Variants in MTOR observed in about 807,000 individuals in gnomAD.
MTOR encodes the protein serine/threonine-protein kinase mTOR.
In MTOR, 70 loss-of-function variants were observed where a neutral mutation model predicts 319.8. The observed-to-expected ratio is 0.22, with a 90% CI of 0.18 to 0.27. The LOEUF is 0.27. MTOR is among the 10% of genes least tolerant of loss of function. MTOR has a pLI of 1.00. For missense variants in MTOR, 1,890 were observed against 3,274.4 expected (o/e 0.58, Z 10.32); for synonymous variants, 1,183 against 1,211.4 (o/e 0.98, Z 0.49).
chr1:11,161,639 T>G (rs1466329999), intron 29 of MTOR, among the ~76,000 whole-genome samples: 1 of 152,156 alleles, frequency 6.6e-6, no homozygotes. Flanking sequence ...TATTCGCTGT[T>G]CTGCAGCCTC....
chr1:11,186,052 C>T (rs1313954320), intron 28 of MTOR, among the ~76,000 whole-genome samples: 1 of 135,380 alleles, frequency 7.4e-6, no homozygotes. Context: ...CACTGCACTC[C>T]AGCCTGGACG....
intron 29 of MTOR, among the ~76,000 whole-genome samples, chr1:11,165,488 T>C (rs915370045): frequency 6.6e-6 from 1 of 151,956 alleles, no homozygotes; most frequent in African/African-American, 2.4e-5. Flanking sequence ...TGAACTCCCA[T>C]TCACAATTGC....
chr1:11,125,253 T>A (rs994989972), intron 46 of MTOR, among the ~76,000 whole-genome samples: 3 of 152,140 alleles, frequency 2.0e-5, no homozygotes, highest in African/African-American at 7.2e-5. Context: ...TCTCTTAGCT[T>A]TGCTTACACC....
intron 18 of MTOR, 110 bp downstream of exon 18, chr1:11,230,815 C>A: frequency 1.4e-6 from 2 of 1,464,806 alleles, no homozygotes; most frequent in Non-Finnish European, 1.9e-6. Flanking sequence ...GCTACACGAG[C>A]CAATATCCTA....
intron 8 of MTOR, 142 bp downstream of exon 8, chr1:11,247,483 T>G (rs1343061431): frequency 1.3e-5 from 9 of 701,864 alleles, no homozygotes; most frequent in Non-Finnish European, 2.2e-5. Context: ...CTGAACTAAA[T>G]AGCATTGAAA....
intron 18 of MTOR, among the ~76,000 whole-genome samples, chr1:11,230,325 CAGA>C (rs1646975781): frequency 6.6e-6 from 1 of 152,106 alleles, no homozygotes; most frequent in Admixed American, 6.6e-5. Flanking sequence ...GAGGCTGAGA[CAGA>C]AGAATTGCTT....
At chr1:11,233,068 G>C in intron 15 of MTOR, 3 of 1,063,406 alleles carry the variant, frequency 2.8e-6, no homozygotes, top group Non-Finnish European at 4.3e-6. Context: ...AATAAAACCA[G>C]GTACAACTCC....
At chr1:11,162,855 G>C (rs1571035551) in intron 29 of MTOR, among the ~76,000 whole-genome samples, 1 of 152,188 alleles carries the variant, frequency 6.6e-6, no homozygotes, top group African/African-American at 2.4e-5. Context: ...GACCATCAAT[G>C]CTAGGAAGAA....
At chr1:11,111,217 G>A in intron 54 of MTOR, 1 of 453,212 alleles carries the variant, frequency 2.2e-6, no homozygotes, top group South Asian at 1.6e-5. Context: ...GGTGGCTCAT[G>A]CCTGTAATCC....
intron 11 of MTOR, 149 bp from the exon 12 acceptor site, chr1:11,238,766 C>CTT (rs35144517): frequency 0.067 from 31,835 of 471,672 alleles, 2 homozygotes; most frequent in East Asian, 0.1. Flanking sequence ...CGGAACTCTT[C>CTT]TTTTTTTTTT....
chr1:11,163,549 C>A (rs1373458343), intron 29 of MTOR, among the ~76,000 whole-genome samples: 1 of 152,134 alleles, frequency 6.6e-6, no homozygotes, highest in African/African-American at 2.4e-5. Flanking sequence ...CACTCCTCAG[C>A]AAATGTAAAA....
At chr1:11,233,322 T>A in intron 15 of MTOR, 76 bp downstream of exon 15, 7 of 1,310,602 alleles carry the variant, frequency 5.3e-6, no homozygotes, top group Non-Finnish European at 1.1e-6. Flanking sequence ...AAAAAAAAAA[T>A]AGTATTTTGA....
At chr1:11,206,636 C>T (rs191304652) in intron 25 of MTOR, among the ~76,000 whole-genome samples, 5 of 152,328 alleles carry the variant, frequency 3.3e-5, no homozygotes, top group Non-Finnish European at 1.5e-5. Flanking sequence ...AAAATCATAG[C>T]TTAATTTATT....
Position 11,163,537 on chromosome 1 carries a change from A to G in MTOR, c.4329+3905T>C, listed in dbSNP as rs537255617. On this transcript the variant is annotated intron_variant, in intron 29 of 57. Coordinates refer to ENST00000361445, the MANE Select transcript of MTOR (RefSeq NM_004958.4). ...AAATTGACCACATAGTTGGAAGTAA[A>G]GCACTCCTCAGCAAATGTAAAAGAA... Among the ~76,000 whole-genome samples, 28 of 152,234 alleles carry G rather than the reference A, an allele frequency of 1.8e-4. No individual in the cohort carries two copies. The South Asian group carries it at 5.6e-3, about 30-fold the overall frequency.
intron 28 of MTOR, among the ~76,000 whole-genome samples, chr1:11,168,523 C>T (rs917399326): frequency 6.6e-6 from 1 of 152,210 alleles, no homozygotes; most frequent in Non-Finnish European, 1.5e-5. Context: ...TCTGACAGAG[C>T]CCACCCCCTT....
At chr1:11,159,195 G>T (rs753691658) in intron 29 of MTOR, among the ~76,000 whole-genome samples, 15 of 152,152 alleles carry the variant, frequency 9.9e-5, no homozygotes, top group Non-Finnish European at 2.1e-4. Context: ...GATATCAAAG[G>T]AGAGAACATC....
rs1331697718 is a variant in MTOR at position 11,249,604 on chromosome 1, G to C, written c.841-1510C>G. Among the ~76,000 whole-genome samples the C allele has an allele frequency of 1.9e-3, 265 of 139,198 alleles. 6 individuals are homozygous for C. The Admixed American group carries it at 0.02, about 10-fold the overall frequency. 91.3% of individuals were successfully genotyped at this position (139,198 alleles called of 152,430 possible). ...TTGTGTCCCTGGGTACTTGAGATTAGGGAGTGGTGATGACTCTTAATGAGC... is the reference window on the plus strand; with the variant it reads ...TTGTGTCCCTGGGTACTTGAGATTACGGAGTGGTGATGACTCTTAATGAGC... On this transcript the variant is annotated intron_variant, in intron 6 of 57. Transcript: ENST00000361445.
At chr1:11,211,910 C>T (rs541762248) in intron 23 of MTOR, among the ~76,000 whole-genome samples, 2 of 152,258 alleles carry the variant, frequency 1.3e-5, no homozygotes, top group Admixed American at 6.5e-5. Context: ...ATTTCTTCTC[C>T]TTGCATCCAA....
At chr1:11,124,418 A>T (rs894236131) in intron 47 of MTOR, 80 bp downstream of exon 47, 12 of 1,529,892 alleles carry the variant, frequency 7.8e-6, no homozygotes, top group Non-Finnish European at 7.1e-6. Context: ...GTTAAGATAT[A>T]ATACATGACT....
Sources: gnomAD v4.1 joint callset for allele counts (sites outside exome capture counted in the v4.1 genomes callset) on GRCh38, gnomAD v4.1.1 for gene constraint, MANE v1.5 for transcripts, NCBI Gene and HGNC (gene_info 2026-07-23, HGNC 2026-07-21) for gene names.